The following ACKR3 variants were observed in gnomAD, a reference collection of about 807,000 sequenced individuals.
ACKR3 encodes atypical chemokine receptor 3.
Under a neutral mutation model 22.4 loss-of-function variants are expected in ACKR3, and 6 were observed. That is an observed-to-expected ratio of 0.27 (90% CI 0.15 to 0.53). The LOEUF (loss-of-function observed/expected upper bound fraction) is 0.53. Ranked by LOEUF, ACKR3 falls within the 20% of genes least tolerant of loss-of-function variation. The probability of loss-of-function intolerance (pLI) is 0.96; values close to 1 mark genes in which losing one functional copy is unlikely to be tolerated. For missense variants in ACKR3, 396 were observed against 475.2 expected, an observed-to-expected ratio of 0.83 and a Z score of 1.55; for synonymous variants, 209 against 205.2, an observed-to-expected ratio of 1.02 and a Z score of -0.16.
intron 1 of ACKR3, among the ~76,000 whole-genome samples, chr2:236,572,767 T>C (rs1194561042): frequency 7.9e-5 from 12 of 152,200 alleles, no homozygotes; most frequent in South Asian, 2.1e-4. Context: ...CTGAGCACAA[T>C]AGACCAGATC....
At chr2:236,549,843 G>T in the ACKR3 span, among the ~76,000 whole-genome samples, 2 of 152,230 alleles carry the variant, frequency 1.3e-5, no homozygotes, top group African/African-American at 4.8e-5. The surrounding 1 kb of genome is among the most constrained non-coding windows in gnomAD (Gnocchi z 5.3). Flanking sequence ...TTTGGCAGAA[G>T]AAAATTGGCT....
chr2:236,540,015 GATT>G, the ACKR3 span, among the ~76,000 whole-genome samples: 89 of 152,296 alleles, frequency 5.8e-4, no homozygotes, highest in African/African-American at 2.0e-3. Flanking sequence ...GACACAGGAG[GATT>G]ATTACATTTC....
rs765570710 is a variant in ACKR3, at chr2:236,581,404, C to A, written c.939C>A (p.Val313=). ...LSLVHCCVNP[V]LYSFINRNYR... ...TGGTGCACTGCTGCGTCAACCCTGT[C>A]CTCTACAGCTTCATCAATCGCAACT... The change falls in exon 2 of 2, where the codon GTC becomes GTA. Residue 313 remains valine (V), a synonymous_variant. Transcript: ENST00000272928. This position sits in a 1 kb window ranked among gnomAD's most constrained non-coding sequence, Gnocchi z 4.4. The A allele has an allele frequency of 2.4e-5, 39 of 1,614,034 alleles. No homozygotes were observed. In the East Asian group the frequency reaches 4.5e-4, roughly 18 times the overall value.
At chr2:236,556,925 T>C in the ACKR3 span, among the ~76,000 whole-genome samples, 1 of 152,186 alleles carries the variant, frequency 6.6e-6, no homozygotes, top group African/African-American at 2.4e-5. Flanking sequence ...TGACCTCAGT[T>C]GATCCCCCCA....
At chr2:236,537,534 C>T in the ACKR3 span, among the ~76,000 whole-genome samples, 17 of 152,318 alleles carry the variant, frequency 1.1e-4, no homozygotes, top group Non-Finnish European at 1.9e-4. Context: ...GAAGTTTGAA[C>T]AGCAGTTCTC....
In ACKR3 at chr2:236,581,478, CAG is replaced by C; in HGVS notation, c.1014_1015del (p.Gly339AlafsTer48). ...TTCATCTTCAAGTACTCGGCCAAAA[CAG>C]GGCTCACCAAGCTCATCGATGCCTC... is the stretch of plus-strand genomic sequence containing the variant. On this transcript the variant is annotated frameshift_variant, in exon 2 of 2. Transcript: ENST00000272928. LOFTEE classifies it high-confidence loss of function. This position sits in a 1 kb window ranked among gnomAD's most constrained non-coding sequence, Gnocchi z 4.4. 6.2e-7 allele frequency: 1 copy of C among 1,614,180 alleles called. No individual in the cohort carries two copies. Among genetic ancestry groups the C allele is most frequent in the African/African-American group, 1.3e-5 (1 of 75,044 alleles).
chr2:236,571,334 T>A (rs1383413974), intron 1 of ACKR3, among the ~76,000 whole-genome samples: 2 of 151,514 alleles, frequency 1.3e-5, no homozygotes, highest in African/African-American at 4.9e-5. Context: ...TCCAGGAGAT[T>A]GGGGGGAGGG....
At chr2:236,539,184 T>C in the ACKR3 span, among the ~76,000 whole-genome samples, 1 of 152,180 alleles carries the variant, frequency 6.6e-6, no homozygotes, top group African/African-American at 2.4e-5. Flanking sequence ...CTTTGGGTTG[T>C]TTCCAGTTCT....
intron 1 of ACKR3, among the ~76,000 whole-genome samples, chr2:236,572,360 G>A (rs1186660395): frequency 6.6e-6 from 1 of 152,208 alleles, no homozygotes; most frequent in East Asian, 1.9e-4. Context: ...GATGGGGGCC[G>A]AGACTATCTC....
At position 236,581,171 on chromosome 2, in the gene ACKR3, G is replaced by T; in HGVS notation, c.706G>T (p.Ala236Ser). 3.1e-6 allele frequency: 5 copies of T among 1,613,798 alleles called. No individual in the cohort carries two copies. Among genetic ancestry groups the T allele is most frequent in the Non-Finnish European group, 4.2e-6 (5 of 1,179,744 alleles). Residue 236 changes from alanine (A) to serine (S), a missense_variant, in exon 2 of 2, where the codon GCC becomes TCC. Physicochemically the swap from Ala to Ser is moderately conservative, Grantham distance 99. Coordinates refer to ENST00000272928, the MANE Select transcript of ACKR3 (RefSeq NM_020311.3). The surrounding 1 kb of genome is among the most constrained non-coding windows in gnomAD (Gnocchi z 4.4). Reference protein sequence around the residue: ...SIIAVFYFLLARAISASSDQE... With the variant: ...SIIAVFYFLLSRAISASSDQE... ...TATCGCTGTCTTCTACTTCCTGCTG[G>T]CCAGAGCCATCTCGGCGTCCAGTGA...
chr2:236,571,136 T>C (rs1186445311), intron 1 of ACKR3, among the ~76,000 whole-genome samples: 1 of 152,254 alleles, frequency 6.6e-6, no homozygotes. Flanking sequence ...TAACTTTCCA[T>C]AGATTTTAAA....
the ACKR3 span, among the ~76,000 whole-genome samples, chr2:236,545,392 G>A: frequency 1.3e-5 from 2 of 152,118 alleles, no homozygotes; most frequent in South Asian, 2.1e-4. This position sits in a 1 kb window ranked among gnomAD's most constrained non-coding sequence, Gnocchi z 5.3. Context: ...TTCATTTACC[G>A]TCTCAAAGTC....
At chr2:236,568,933 C>A (rs1691247481), upstream of ACKR3, among the ~76,000 whole-genome samples, 1 of 152,176 alleles carries the variant, frequency 6.6e-6, no homozygotes, top group Non-Finnish European at 1.5e-5. Context: ...ATGGGATGGG[C>A]TGGCGGGTGG....
At chr2:236,552,515 T>C in the ACKR3 span, among the ~76,000 whole-genome samples, 1 of 152,174 alleles carries the variant, frequency 6.6e-6, no homozygotes, top group African/African-American at 2.4e-5. Context: ...ATCACTATCG[T>C]GGCAGTGATT....
chr2:236,537,786 C>G, the ACKR3 span, among the ~76,000 whole-genome samples: 2 of 152,256 alleles, frequency 1.3e-5, no homozygotes, highest in African/African-American at 2.4e-5. Flanking sequence ...CCCACGTGCT[C>G]TCTTCCACCG....
chr2:236,541,530 G>A, the ACKR3 span, among the ~76,000 whole-genome samples: 1 of 152,224 alleles, frequency 6.6e-6, no homozygotes, highest in African/African-American at 2.4e-5. Flanking sequence ...TTCTTATTTG[G>A]TACTTTATTG....
At chr2:236,561,406 C>A in the ACKR3 span, among the ~76,000 whole-genome samples, 1 of 152,158 alleles carries the variant, frequency 6.6e-6, no homozygotes, top group East Asian at 1.9e-4. Flanking sequence ...TAATTTCCCT[C>A]GGTACTATTT....
Position 236,580,896 on chromosome 2 carries a change from T to G in ACKR3, c.431T>G (p.Leu144Arg). 1.2e-6 allele frequency: 2 copies of G among 1,614,110 alleles called. No homozygotes were observed. Among genetic ancestry groups the G allele is most frequent in the Non-Finnish European group, 1.7e-6 (2 of 1,180,012 alleles). ...ACGTGCATGAGCGTGGACCGCTACCTCTCCATCACCTACTTCACCAACACC... is the reference window on the plus strand; with the variant it reads ...ACGTGCATGAGCGTGGACCGCTACCGCTCCATCACCTACTTCACCAACACC... ...FLTCMSVDRY[L>R]SITYFTNTPS... The change falls in exon 2 of 2, where the codon CTC becomes CGC. Residue 144 changes from leucine (L) to arginine (R), a missense_variant. Physicochemically the swap from Leu to Arg is moderately radical, Grantham distance 102. Transcript: ENST00000272928.
At chr2:236,564,791 C>T (rs534394104), upstream of ACKR3, among the ~76,000 whole-genome samples, 5 of 152,192 alleles carry the variant, frequency 3.3e-5, no homozygotes, top group South Asian at 2.1e-4. Flanking sequence ...GCCATGAAAT[C>T]GGGCACGCTT....
Sources: allele counts gnomAD v4.1 joint callset (sites outside exome capture counted in the v4.1 genomes callset), GRCh38; gene constraint gnomAD v4.1.1; non-coding constraint Gnocchi (gnomAD v3.1); transcripts MANE v1.5; gene names NCBI Gene and HGNC (gene_info 2026-07-23, HGNC 2026-07-21).